Variants in EFCAB8 observed in about 807,000 individuals in gnomAD.
The protein encoded by EFCAB8 is EF-hand calcium binding domain 8, also known as EF-hand calcium-binding domain-containing protein 8.
In EFCAB8, 100 loss-of-function variants were observed where a neutral mutation model predicts 116.3. The observed-to-expected ratio is 0.86, with a 90% CI of 0.73 to 1.02. The LOEUF is 1.02. EFCAB8 is among the 50% of genes least tolerant of loss of function. The pLI, the probability that EFCAB8 is intolerant of heterozygous loss-of-function variation, is 0.00. For synonymous variants in EFCAB8, 558 were observed against 567.9 expected (o/e 0.98, Z 0.25); for missense variants, 1,320 against 1,416.9 (o/e 0.93, Z 1.10).
intron 23 of EFCAB8, among the ~76,000 whole-genome samples, chr20:32,955,796 C>T (rs1159281841): frequency 1.3e-5 from 2 of 152,090 alleles, no homozygotes; most frequent in Non-Finnish European, 2.9e-5. Context: ...TGCTGCCTGC[C>T]CATGTAAGGG....
chr20:32,919,033 T>C (rs1987331119), intron 19 of EFCAB8, among the ~76,000 whole-genome samples: 1 of 152,176 alleles, frequency 6.6e-6, no homozygotes, highest in Admixed American at 6.5e-5. Flanking sequence ...CCTCTGAGCC[T>C]CATCTCTGCC....
At chr20:32,866,859 CTCTT>C (rs1278854835) in intron 2 of EFCAB8, among the ~76,000 whole-genome samples, 97 of 138,478 alleles carry the variant, frequency 7.0e-4, no homozygotes, top group African/African-American at 2.1e-3. Context: ...CTTTCTCTCT[CTCTT>C]TCTTTCTTTC....
At chr20:32,931,129 G>A in intron 21 of EFCAB8, 49 bp from the exon 22 acceptor site, 1 of 1,445,680 alleles carries the variant, frequency 6.9e-7, no homozygotes, top group Non-Finnish European at 9.3e-7. Flanking sequence ...GAGTGAGTTG[G>A]GGTCTGGGTC....
intron 20 of EFCAB8, among the ~76,000 whole-genome samples, chr20:32,924,829 G>A (rs1052384670): frequency 1.3e-5 from 2 of 152,198 alleles, no homozygotes; most frequent in Non-Finnish European, 2.9e-5. Flanking sequence ...CTGTGTGTGT[G>A]TGTGTGTCCC....
chr20:32,912,705 C>T lies in EFCAB8; in HGVS notation c.1786-89C>T. 7.1e-6 allele frequency: 5 copies of T among 703,236 alleles called. No homozygotes were observed. The South Asian group carries it at 7.8e-5, about 11-fold the overall frequency. The allele number at this position is 703,236 out of a possible 1,614,324, so 43.6% of individuals were successfully genotyped here. A position where few individuals can be genotyped will look rare whatever the true frequency, so the allele number is the denominator to read the frequency against. ...TTTTCGTCATCCAGAGATTTGACTT[C>T]TTGCTTGGCACCTTTAGGAAGACAT... On this transcript the variant is annotated intron_variant, in intron 16 of 26. Coordinates refer to ENST00000400522, the MANE Select transcript of EFCAB8 (RefSeq NM_001143967.2).
At chr20:32,874,581 G>A (rs1306831060) in intron 3 of EFCAB8, among the ~76,000 whole-genome samples, 3 of 151,212 alleles carry the variant, frequency 2.0e-5, no homozygotes, top group South Asian at 4.2e-4. Context: ...TCACTCGGTC[G>A]CTCAGGCTGG....
At chr20:32,900,993 C>T (rs555477875) in intron 11 of EFCAB8, among the ~76,000 whole-genome samples, 37 of 152,288 alleles carry the variant, frequency 2.4e-4, no homozygotes, top group Admixed American at 1.2e-3. Flanking sequence ...TGAGCCACCG[C>T]GCCCGGCCGT....
intron 21 of EFCAB8, 35 bp from the exon 22 acceptor site, chr20:32,931,143 G>A: frequency 6.7e-7 from 1 of 1,492,564 alleles, no homozygotes; most frequent in South Asian, 1.3e-5. Context: ...CTGGGTCAAG[G>A]GGTGTGAGGC....
intron 10 of EFCAB8, among the ~76,000 whole-genome samples, chr20:32,898,001 C>T (rs563789127): frequency 1.3e-5 from 2 of 152,318 alleles, no homozygotes; most frequent in African/African-American, 2.4e-5. Flanking sequence ...CCAGCCCCTT[C>T]GACTGCGCGT....
chr20:32,891,437 C>T lies in EFCAB8; in HGVS notation c.674-776C>T, dbSNP rs1234717379. Among the ~76,000 whole-genome samples the T allele has an allele frequency of 2.0e-5, 3 of 152,294 alleles. No homozygotes were observed. The East Asian group carries it at 5.8e-4, about 29-fold the overall frequency. On this transcript the variant is annotated intron_variant, in intron 7 of 26. Coordinates refer to ENST00000400522, the MANE Select transcript of EFCAB8 (RefSeq NM_001143967.2). ...TTCACCATGTTGGCCAGGCTAGTCTCCATCTCCTGACCTCAGGTGATCCAC... is the reference window on the plus strand; with the variant it reads ...TTCACCATGTTGGCCAGGCTAGTCTTCATCTCCTGACCTCAGGTGATCCAC...
intron 22 of EFCAB8, 105 bp downstream of exon 22, chr20:32,931,441 G>A (rs1052472431): frequency 7.4e-7 from 1 of 1,344,324 alleles, no homozygotes. Context: ...CTTACTAAAA[G>A]ATAAGAGCAA....
At chr20:32,951,324 A>C (rs1335189288) in intron 23 of EFCAB8, among the ~76,000 whole-genome samples, 1 of 152,254 alleles carries the variant, frequency 6.6e-6, no homozygotes, top group Non-Finnish European at 1.5e-5. Context: ...GGTTTATGGA[A>C]TATCACTCAG....
chr20:32,862,031 C>T (rs1250924370), intron 1 of EFCAB8, among the ~76,000 whole-genome samples: 1 of 152,130 alleles, frequency 6.6e-6, no homozygotes, highest in Non-Finnish European at 1.5e-5. Context: ...TCCCATTCTC[C>T]TAGCTGTCTT....
chr20:32,958,394 G>C, intron 23 of EFCAB8, 27 bp from the exon 24 acceptor site: 1 of 416,798 alleles, frequency 2.4e-6, no homozygotes, highest in Non-Finnish European at 4.4e-6. Flanking sequence ...GCCAGTTGTG[G>C]TTCTGAGCAG....
chr20:32,884,153 G>T (rs1036795033), intron 5 of EFCAB8, among the ~76,000 whole-genome samples: 1 of 152,184 alleles, frequency 6.6e-6, no homozygotes, highest in African/African-American at 2.4e-5. Flanking sequence ...TACAAACCCG[G>T]AGAGCATTTC....
chr20:32,905,090 G>T (rs1376661193), intron 11 of EFCAB8, among the ~76,000 whole-genome samples: 1 of 152,188 alleles, frequency 6.6e-6, no homozygotes, highest in Non-Finnish European at 1.5e-5. Flanking sequence ...AGCCCTCTGA[G>T]CCTCACCCGG....
At chr20:32,920,825 G>A (rs1987416436) in intron 20 of EFCAB8, among the ~76,000 whole-genome samples, 1 of 152,110 alleles carries the variant, frequency 6.6e-6, no homozygotes, top group African/African-American at 2.4e-5. Context: ...TGGATTGGGG[G>A]TAACAGTGTC....
chr20:32,907,344 G>A (rs1600409462), intron 13 of EFCAB8, among the ~76,000 whole-genome samples: 1 of 152,224 alleles, frequency 6.6e-6, no homozygotes, highest in African/African-American at 2.4e-5. Context: ...GCAATGCATG[G>A]CAGCCGTTCC....
At chr20:32,925,009 C>A (rs977689923) in intron 20 of EFCAB8, among the ~76,000 whole-genome samples, 9 of 152,126 alleles carry the variant, frequency 5.9e-5, no homozygotes, top group African/African-American at 2.2e-4. Flanking sequence ...TGATCTCAGC[C>A]TTTCCTTAGT....
Sources: allele counts gnomAD v4.1 joint callset (sites outside exome capture counted in the v4.1 genomes callset), GRCh38; gene constraint gnomAD v4.1.1; transcripts MANE v1.5; gene names NCBI Gene and HGNC (gene_info 2026-07-23, HGNC 2026-07-21).